OPCML: variants seen among roughly 807,000 people sequenced by gnomAD.
The protein encoded by OPCML is opioid binding protein/cell adhesion molecule like.
Under a neutral mutation model 37.8 loss-of-function variants are expected in OPCML, and 13 were observed. The ratio of observed to expected loss-of-function variants is 0.34; its 90% CI spans 0.22 to 0.55. The LOEUF (loss-of-function observed/expected upper bound fraction) is 0.55, where lower values mean the gene tolerates loss of function less well. Among genes scored for constraint, OPCML ranks in the 20% least tolerant of loss-of-function variants. The pLI, the probability that OPCML is intolerant of heterozygous loss-of-function variation, is 0.91. For synonymous variants in OPCML, 176 were observed against 168.8 expected, an observed-to-expected ratio of 1.04 and a Z score of -0.33; for missense variants, 341 against 435.6, an observed-to-expected ratio of 0.78 and a Z score of 1.93.
chr11:132,528,678 G>C (rs2096315104), intron 4 of OPCML, among the ~76,000 whole-genome samples: 1 of 152,122 alleles, frequency 6.6e-6, no homozygotes, highest in Non-Finnish European at 1.5e-5. Flanking sequence ...TTTACTCCTG[G>C]ACGCACAATA....
intron 2 of OPCML, among the ~76,000 whole-genome samples, chr11:132,848,248 T>A (rs1355255495): frequency 6.6e-6 from 1 of 152,242 alleles, no homozygotes; most frequent in Non-Finnish European, 1.5e-5. Flanking sequence ...ATTATACTGC[T>A]ATTCTACAAG....
At chr11:133,040,518 T>C (rs1219934657) in intron 1 of OPCML, among the ~76,000 whole-genome samples, 1 of 152,230 alleles carries the variant, frequency 6.6e-6, no homozygotes, top group Admixed American at 6.5e-5. Flanking sequence ...TGTTTTCTTT[T>C]AATTCCTGCA....
At chr11:132,615,823 C>T (rs1240938343) in intron 3 of OPCML, among the ~76,000 whole-genome samples, 1 of 151,904 alleles carries the variant, frequency 6.6e-6, no homozygotes, top group Non-Finnish European at 1.5e-5. Context: ...AGGAAAAGAA[C>T]CTGTAGAGAA....
At chr11:133,250,557 G>GAGGGAGGGAAGGAAGGAAGGAAGT (rs1941098115) in intron 1 of OPCML, among the ~76,000 whole-genome samples, 1 of 149,760 alleles carries the variant, frequency 6.7e-6, no homozygotes. Flanking sequence ...AGGAAGGAAG[G>GAGGGAGGGAAGGAAGGAAGGAAGT]AGGGAGGGAA....
chr11:132,542,235 C>T (rs4641491), intron 3 of OPCML, among the ~76,000 whole-genome samples: 35,978 of 151,986 alleles, frequency 0.24, 5,545 homozygotes, highest in East Asian at 0.45. Flanking sequence ...GGAAAGATGC[C>T]TGGGCTGAGA....
At chr11:133,476,699 T>C (rs1445071022) in intron 1 of OPCML, among the ~76,000 whole-genome samples, 1 of 152,160 alleles carries the variant, frequency 6.6e-6, no homozygotes, top group Non-Finnish European at 1.5e-5. Context: ...GCAGACTTTG[T>C]CCTGGTGATG....
intron 1 of OPCML, among the ~76,000 whole-genome samples, chr11:133,494,300 G>A (rs2120473287): frequency 6.6e-6 from 1 of 151,840 alleles, no homozygotes; most frequent in African/African-American, 2.4e-5. Context: ...AACCATTGTG[G>A]AAGTCAGTGT....
intron 1 of OPCML, among the ~76,000 whole-genome samples, chr11:133,526,367 G>A (rs1332214326): frequency 1.3e-5 from 2 of 152,192 alleles, no homozygotes; most frequent in African/African-American, 4.8e-5. Flanking sequence ...TTAAAGAGCT[G>A]TGAATGTGAT....
chr11:132,913,884 C>A (rs1348243497), intron 2 of OPCML, among the ~76,000 whole-genome samples: 1 of 152,220 alleles, frequency 6.6e-6, no homozygotes, highest in Admixed American at 6.5e-5. Flanking sequence ...ATAGCACTCT[C>A]GACGGACTCC....
intron 4 of OPCML, among the ~76,000 whole-genome samples, chr11:132,455,260 G>A (rs1371225089): frequency 6.6e-6 from 1 of 152,136 alleles, no homozygotes; most frequent in African/African-American, 2.4e-5. Flanking sequence ...CCCATCTGGT[G>A]GGCGCCTCAG....
intron 2 of OPCML, among the ~76,000 whole-genome samples, chr11:132,822,998 C>A (rs1940082373): frequency 6.6e-6 from 1 of 152,158 alleles, no homozygotes; most frequent in African/African-American, 2.4e-5. Flanking sequence ...TATGAATATT[C>A]ATTGTTATTA....
intron 1 of OPCML, among the ~76,000 whole-genome samples, chr11:133,326,477 T>C (rs1412897559): frequency 9.7e-6 from 1 of 102,756 alleles, no homozygotes; most frequent in African/African-American, 4.1e-5. Context: ...TGTGTGTATG[T>C]GTATGAGGGG....
At chr11:132,974,478 C>T (rs563338362) in intron 1 of OPCML, among the ~76,000 whole-genome samples, 4 of 152,164 alleles carry the variant, frequency 2.6e-5, no homozygotes, top group Non-Finnish European at 4.4e-5. Context: ...GTTAGAATGG[C>T]GATCATTAAA....
chr11:132,487,478 C>T (rs1011738135), intron 4 of OPCML, among the ~76,000 whole-genome samples: 3 of 152,186 alleles, frequency 2.0e-5, no homozygotes, highest in Non-Finnish European at 4.4e-5. Flanking sequence ...GCTGATGAGG[C>T]CCTGGACTAC....
intron 4 of OPCML, among the ~76,000 whole-genome samples, chr11:132,469,722 GTGTGTGTGTA>G (rs371787777): frequency 1.3e-4 from 19 of 141,394 alleles, no homozygotes; most frequent in African/African-American, 4.6e-4. Context: ...AGGGGAGTGA[GTGTGTGTGTA>G]TGTGTGTGTA....
At chr11:132,688,046 A>G (rs917429623) in intron 2 of OPCML, among the ~76,000 whole-genome samples, 1 of 152,126 alleles carries the variant, frequency 6.6e-6, no homozygotes, top group Non-Finnish European at 1.5e-5. Flanking sequence ...CCGGGAAATG[A>G]CGATTCTATC....
intron 1 of OPCML, among the ~76,000 whole-genome samples, chr11:133,516,048 A>G (rs1948263273): frequency 6.6e-6 from 1 of 152,034 alleles, no homozygotes; most frequent in African/African-American, 2.4e-5. Context: ...GGACAGGTCT[A>G]CGTGTGCAGG....
intron 1 of OPCML, chr11:133,065,061 A>G (rs1313737565): frequency 1.3e-5 from 2 of 152,012 alleles, no homozygotes; most frequent in Non-Finnish European, 2.9e-5. Flanking sequence ...CACCCGGAGG[A>G]AAGCACGGTG....
chr11:133,241,560 GTAAC>G (rs1290646235), intron 1 of OPCML, among the ~76,000 whole-genome samples: 5 of 152,168 alleles, frequency 3.3e-5, no homozygotes, highest in Non-Finnish European at 7.3e-5. Flanking sequence ...TTCCAGTTAT[GTAAC>G]TGACAAAATC....
Sources: allele counts gnomAD v4.1 joint callset (sites outside exome capture counted in the v4.1 genomes callset), GRCh38; gene constraint gnomAD v4.1.1; transcripts MANE v1.5; gene names NCBI Gene and HGNC (gene_info 2026-07-23, HGNC 2026-07-21).